FNDC3A: variants seen among roughly 807,000 people sequenced by gnomAD.
FNDC3A encodes fibronectin type III domain containing 3A, also known as fibronectin type-III domain-containing protein 3A.
A neutral mutation model predicts 148.9 loss-of-function variants in FNDC3A; 32 were observed. The ratio of observed to expected loss-of-function variants is 0.21; its 90% CI spans 0.16 to 0.29. FNDC3A has a LOEUF of 0.29. Among genes scored for constraint, FNDC3A ranks in the 10% least tolerant of loss-of-function variants. The pLI, the probability that FNDC3A is intolerant of heterozygous loss-of-function variation, is 1.00. For missense variants in FNDC3A, 1,191 were observed against 1,452.8 expected (o/e 0.82, Z 2.93); for synonymous variants, 472 against 473.6 (o/e 1.00, Z 0.04).
chr13:49,043,480 A>G (rs1875113006), intron 2 of FNDC3A, among the ~76,000 whole-genome samples: 1 of 152,316 alleles, frequency 6.6e-6, no homozygotes. Context: ...GAGACCATTT[A>G]GGTCAAACTA....
intron 1 of FNDC3A, among the ~76,000 whole-genome samples, chr13:48,985,170 G>T (rs1951764869): frequency 6.6e-6 from 1 of 152,088 alleles, no homozygotes. Context: ...AATATTCAAG[G>T]TATATAAGGT....
At chr13:49,118,045 ATTAATC>A (rs1215108809) in intron 4 of FNDC3A, among the ~76,000 whole-genome samples, 1 of 152,232 alleles carries the variant, frequency 6.6e-6, no homozygotes, top group East Asian at 1.9e-4. Flanking sequence ...GGCTACTATT[ATTAATC>A]TTAATTTAAG....
At chr13:49,069,390 G>A (rs1170128200) in intron 2 of FNDC3A, among the ~76,000 whole-genome samples, 8 of 152,014 alleles carry the variant, frequency 5.3e-5, no homozygotes, top group Non-Finnish European at 8.8e-5. Context: ...CCTATCCACT[G>A]CTTACTATAT....
chr13:49,191,427 A>G (rs145058150), intron 19 of FNDC3A, 43 bp downstream of exon 19: 13 of 1,448,802 alleles, frequency 9.0e-6, no homozygotes, highest in South Asian at 1.4e-5. Context: ...CAATGGTGAT[A>G]TATGTTTCAT....
intron 1 of FNDC3A, among the ~76,000 whole-genome samples, chr13:48,986,823 A>G (rs879308253): frequency 7.2e-5 from 11 of 152,238 alleles, no homozygotes; most frequent in Non-Finnish European, 1.6e-4. Context: ...TTTAAGGACT[A>G]CTGGATTCTG....
chr13:49,145,691 T>G, intron 7 of FNDC3A, 87 bp from the exon 8 acceptor site: 2 of 1,045,838 alleles, frequency 1.9e-6, no homozygotes, highest in Non-Finnish European at 2.9e-6. Flanking sequence ...ACATTTTATT[T>G]AATCTTGAAA....
chr13:49,080,922 A>G (rs1176676310), intron 3 of FNDC3A, among the ~76,000 whole-genome samples: 3 of 152,218 alleles, frequency 2.0e-5, no homozygotes, highest in Non-Finnish European at 2.9e-5. Flanking sequence ...AGCTGTAGAT[A>G]CACATACAGA....
At chr13:48,991,286 C>T (rs1477966015) in intron 1 of FNDC3A, among the ~76,000 whole-genome samples, 1 of 151,964 alleles carries the variant, frequency 6.6e-6, no homozygotes, top group African/African-American at 2.4e-5. Context: ...TAAGTTAAAC[C>T]AGAAGTTAGG....
intron 2 of FNDC3A, among the ~76,000 whole-genome samples, chr13:49,059,799 C>T (rs1046144127): frequency 6.6e-6 from 1 of 152,116 alleles, no homozygotes; most frequent in Non-Finnish European, 1.5e-5. Flanking sequence ...AAGGGTCTAG[C>T]ATCCACAATA....
chr13:49,154,505 C>CT (rs918492766), intron 8 of FNDC3A, among the ~76,000 whole-genome samples: 30 of 142,548 alleles, frequency 2.1e-4, no homozygotes, highest in Admixed American at 1.8e-3. Flanking sequence ...CTTGAATACC[C>CT]TTTATTTCCT....
chr13:49,060,419 G>A (rs1210940519), intron 2 of FNDC3A, among the ~76,000 whole-genome samples: 1 of 152,048 alleles, frequency 6.6e-6, no homozygotes, highest in African/African-American at 2.4e-5. Flanking sequence ...CAAGGTGGGC[G>A]GATCACCTGA....
intron 8 of FNDC3A, among the ~76,000 whole-genome samples, chr13:49,152,132 G>C (rs532546839): frequency 1.3e-5 from 2 of 152,264 alleles, no homozygotes; most frequent in Non-Finnish European, 2.9e-5. Context: ...TCTAGTTCTA[G>C]ATCCTTGAAG....
At chr13:49,156,682 C>T (rs982338511) in intron 8 of FNDC3A, among the ~76,000 whole-genome samples, 2 of 150,658 alleles carry the variant, frequency 1.3e-5, no homozygotes, top group African/African-American at 2.4e-5. Flanking sequence ...CCATGTTTAC[C>T]GCTTCCTTCA....
chr13:49,114,486 C>CT lies in FNDC3A; in HGVS notation c.176-169_176-168insT, dbSNP rs375906515. Among the ~76,000 whole-genome samples the CT allele has an allele frequency of 5.6e-3, 778 of 138,266 alleles. 10 individuals are homozygous for CT. Among genetic ancestry groups the CT allele is most frequent in the Non-Finnish European group, 4.3e-3 (278 of 64,642 alleles). 90.7% of individuals were successfully genotyped at this position (138,266 alleles called of 152,430 possible). A position where few individuals can be genotyped will look rare whatever the true frequency, so the allele number is the denominator to read the frequency against. ...GGTAAAGGGTAATTTGTGCACTTTA[C>CT]AAGATAAATTTTTATAACAAGTCAA... On this transcript the variant is annotated intron_variant, in intron 3 of 25. Transcript: ENST00000492622.
chr13:49,047,146 A>AT (rs199748221), intron 2 of FNDC3A, among the ~76,000 whole-genome samples: 249 of 143,868 alleles, frequency 1.7e-3, no homozygotes, highest in Middle Eastern at 7.2e-3. Flanking sequence ...AAGTGCCATT[A>AT]TTTTTTTTTT....
intron 7 of FNDC3A, among the ~76,000 whole-genome samples, chr13:49,143,501 A>AAT (rs1882806631): frequency 6.6e-6 from 1 of 152,206 alleles, no homozygotes; most frequent in Non-Finnish European, 1.5e-5. Context: ...AAGCTTAGTT[A>AAT]ATAGTATTTA....
chr13:49,144,236 G>C (rs1468734115), intron 7 of FNDC3A, among the ~76,000 whole-genome samples: 1 of 151,900 alleles, frequency 6.6e-6, no homozygotes, highest in African/African-American at 2.4e-5. Flanking sequence ...TTAATAGCCA[G>C]CTGTATACTG....
At chr13:49,162,382 C>T (rs1884192656) in intron 8 of FNDC3A, among the ~76,000 whole-genome samples, 1 of 152,180 alleles carries the variant, frequency 6.6e-6, no homozygotes, top group African/African-American at 2.4e-5. Flanking sequence ...GATACCCTTT[C>T]TTCCACTTGA....
intron 3 of FNDC3A, 116 bp downstream of exon 3, chr13:49,075,480 A>C: frequency 1.6e-6 from 1 of 613,420 alleles, no homozygotes; most frequent in Non-Finnish European, 2.9e-6. Context: ...CAGCACACAA[A>C]AGCATAAACT....
Sources: gnomAD v4.1 joint callset for allele counts (sites outside exome capture counted in the v4.1 genomes callset) on GRCh38, gnomAD v4.1.1 for gene constraint, MANE v1.5 for transcripts, NCBI Gene and HGNC (gene_info 2026-07-23, HGNC 2026-07-21) for gene names.